The following OSGIN1 variants were observed in gnomAD, a reference collection of about 807,000 sequenced individuals.
OSGIN1 encodes the protein oxidative stress induced growth inhibitor 1, also known as oxidative stress-induced growth inhibitor 1.
In OSGIN1, 19 loss-of-function variants were observed where a neutral mutation model predicts 20.1. That is an observed-to-expected ratio of 0.95 (90% confidence interval 0.66 to 1.39). OSGIN1 has a LOEUF of 1.39. Among genes scored for constraint, OSGIN1 ranks in the 40% most tolerant of loss-of-function variants. The probability of loss-of-function intolerance (pLI) is 0.00; values close to 1 mark genes in which losing one functional copy is unlikely to be tolerated. For synonymous variants in OSGIN1, 368 were observed against 297.8 expected, an observed-to-expected ratio of 1.24 and a Z score of -2.43; for missense variants, 820 against 653.0, an observed-to-expected ratio of 1.26 and a Z score of -2.79.
At chr16:83,955,559 C>A (rs984405328) in intron 1 of OSGIN1, among the ~76,000 whole-genome samples, 1 of 152,122 alleles carries the variant, frequency 6.6e-6, no homozygotes, top group Non-Finnish European at 1.5e-5. Context: ...ACGCTCTGGC[C>A]CTCAGAGTAC....
rs201120754 is a variant in OSGIN1 at position 83,965,260 on chromosome 16, C to G, written c.687C>G (p.Asn229Lys). ...AGGTGAGCGGCTTCCTGACCAGGAACCAGGCCCAGCAGCCCTTCTCGCTGT... is the reference window on the plus strand; with the variant it reads ...AGGTGAGCGGCTTCCTGACCAGGAAGCAGGCCCAGCAGCCCTTCTCGCTGT... ...LFQVSGFLTRNQAQQPFSLWA... is the reference protein window; with the variant it reads ...LFQVSGFLTRKQAQQPFSLWA... Residue 229 changes from asparagine to lysine, a missense_variant, in exon 6 of 6, where the codon AAC (asparagine) becomes AAG (lysine). Coordinates refer to ENST00000393306, the MANE Select transcript of OSGIN1 (RefSeq NM_182981.3). 350 of 1,610,436 alleles carry G rather than the reference C, an allele frequency of 2.2e-4. No homozygotes were observed. Among genetic ancestry groups the G allele is most frequent in the Non-Finnish European group, 2.8e-4 (329 of 1,178,464 alleles).
At chr16:83,960,879 C>G in intron 4 of OSGIN1, 102 bp from the exon 5 acceptor site, 1 of 1,486,946 alleles carries the variant, frequency 6.7e-7, no homozygotes, top group African/African-American at 1.4e-5. Context: ...CTGCCTCTCC[C>G]TCCTCCCTCT....
intron 3 of OSGIN1, among the ~76,000 whole-genome samples, chr16:83,960,149 A>ACTATATT: frequency 6.6e-6 from 1 of 152,206 alleles, no homozygotes; most frequent in East Asian, 1.9e-4. Flanking sequence ...TATAGAGAGA[A>ACTATATT]AAATGTCCCC....
chr16:83,963,109 A>G (rs192931417), intron 5 of OSGIN1, among the ~76,000 whole-genome samples: 124 of 152,244 alleles, frequency 8.1e-4, no homozygotes, highest in Non-Finnish European at 1.4e-3. Flanking sequence ...TGTGTCCCCA[A>G]CGGCAGGCAC....
At chr16:83,961,342 G>A in intron 5 of OSGIN1, 1 of 434,694 alleles carries the variant, frequency 2.3e-6, no homozygotes. Flanking sequence ...TGAAGCAAAG[G>A]CAGGAAGTGG....
intron 2 of OSGIN1, among the ~76,000 whole-genome samples, chr16:83,958,919 C>G (rs1379420606): frequency 6.6e-6 from 1 of 152,182 alleles, no homozygotes; most frequent in East Asian, 1.9e-4. Context: ...ACCTTCCGGC[C>G]GTGTGACCAC....
At chr16:83,959,531 G>A (rs569939270) in intron 3 of OSGIN1, 135 bp downstream of exon 3, 28 of 857,214 alleles carry the variant, frequency 3.3e-5, no homozygotes, top group Non-Finnish European at 1.7e-6. Flanking sequence ...AGTCCACAAA[G>A]TCAGCCACGG....
chr16:83,960,379 G>A (rs976422787), intron 3 of OSGIN1, among the ~76,000 whole-genome samples, 190 bp from the exon 4 acceptor site: 3 of 152,160 alleles, frequency 2.0e-5, no homozygotes, highest in Non-Finnish European at 4.4e-5. Context: ...TGTACTCTGG[G>A]GCCCTTGGCC....
At chr16:83,961,904 G>A (rs923662219) in intron 5 of OSGIN1, among the ~76,000 whole-genome samples, 1 of 151,894 alleles carries the variant, frequency 6.6e-6, no homozygotes, top group South Asian at 2.1e-4. Flanking sequence ...CCTCTATTCT[G>A]AGCCTGGCCT....
At chr16:83,956,477 A>C (rs1208215755) in intron 1 of OSGIN1, among the ~76,000 whole-genome samples, 1 of 152,106 alleles carries the variant, frequency 6.6e-6, no homozygotes, top group Non-Finnish European at 1.5e-5. Context: ...GTGCCCGCCC[A>C]CTTGAGTGTG....
intron 2 of OSGIN1, among the ~76,000 whole-genome samples, chr16:83,958,257 A>G (rs1909038217): frequency 6.6e-6 from 1 of 152,192 alleles, no homozygotes; most frequent in Non-Finnish European, 1.5e-5. Context: ...TTAGCAGTTT[A>G]TAAGCTATCA....
chr16:83,956,547 G>A (rs1908940671), intron 1 of OSGIN1, among the ~76,000 whole-genome samples: 1 of 152,174 alleles, frequency 6.6e-6, no homozygotes, highest in African/African-American at 2.4e-5. Context: ...GGTGGCACTG[G>A]CAGGGTCTTG....
chr16:83,954,802 C>T, intron 1 of OSGIN1: 1 of 960,400 alleles, frequency 1.0e-6, no homozygotes, highest in Non-Finnish European at 1.2e-6. Context: ...GAAGGGGCAG[C>T]CAGTTCTGAT....
chr16:83,958,318 T>A (rs1243029069), intron 2 of OSGIN1, among the ~76,000 whole-genome samples: 1 of 152,190 alleles, frequency 6.6e-6, no homozygotes. Context: ...ACCCATCAGC[T>A]GGAGGCGACC....
chr16:83,961,097 G>T, intron 5 of OSGIN1, 25 bp downstream of exon 5: 4 of 1,581,426 alleles, frequency 2.5e-6, no homozygotes, highest in Non-Finnish European at 3.5e-6. Context: ...GAACGCCTTG[G>T]GGGACACGGA....
chr16:83,959,630 G>GAT (rs1468727455), intron 3 of OSGIN1, among the ~76,000 whole-genome samples: 1 of 152,192 alleles, frequency 6.6e-6, no homozygotes, highest in Non-Finnish European at 1.5e-5. Context: ...AGGAGGGGAT[G>GAT]ATTTTTCTCC....
chr16:83,956,007 A>T (rs1011156836), intron 1 of OSGIN1, among the ~76,000 whole-genome samples: 1 of 152,166 alleles, frequency 6.6e-6, no homozygotes, highest in Non-Finnish European at 1.5e-5. Flanking sequence ...CGCTAGGCAC[A>T]TCCTCACCCT....
chr16:83,965,250 T>C lies in OSGIN1; in HGVS notation c.677T>C (p.Leu226Pro). ...SSPLFQVSGF[L>P]TRNQAQQPFS... The stretch of plus-strand genomic sequence containing the variant: ...CCCCTCTTCCAGGTGAGCGGCTTCC[T>C]GACCAGGAACCAGGCCCAGCAGCCC... The change falls in exon 6 of 6, where the codon CTG (leucine) becomes CCG (proline). Residue 226 changes from leucine (L) to proline (P), a missense_variant. Transcript: ENST00000393306. 6.2e-7 allele frequency: 1 copy of C among 1,611,722 alleles called. No homozygotes were observed. The highest frequency in any genetic ancestry group is 1.3e-5 in the African/African-American group (1 of 75,052).
intron 1 of OSGIN1, 100 bp from the exon 2 acceptor site, chr16:83,957,540 G>T: frequency 1.4e-6 from 1 of 690,482 alleles, no homozygotes; most frequent in Non-Finnish European, 2.7e-6. Context: ...ACCAGACCCT[G>T]AGGGCCACAG....
Sources: gnomAD v4.1 joint callset for allele counts (sites outside exome capture counted in the v4.1 genomes callset) on GRCh38, gnomAD v4.1.1 for gene constraint, MANE v1.5 for transcripts, NCBI Gene and HGNC (gene_info 2026-07-23, HGNC 2026-07-21) for gene names.